Variants in CACNA2D3 observed in about 807,000 individuals in gnomAD.
CACNA2D3 encodes the protein calcium voltage-gated channel auxiliary subunit alpha2delta 3.
Under a neutral mutation model 160.6 loss-of-function variants are expected in CACNA2D3, and 60 were observed. The ratio of observed to expected loss-of-function variants is 0.37; its 90% CI spans 0.30 to 0.46. The LOEUF is 0.46. Among genes scored for constraint, CACNA2D3 ranks in the 20% least tolerant of loss-of-function variants. The probability of loss-of-function intolerance (pLI) is 1.00; values close to 1 mark genes in which losing one functional copy is unlikely to be tolerated. For synonymous variants in CACNA2D3, 558 were observed against 492.9 expected, an observed-to-expected ratio of 1.13 and a Z score of -1.75; for missense variants, 1,205 against 1,365.0, an observed-to-expected ratio of 0.88 and a Z score of 1.85.
At chr3:54,876,822 A>G (rs1490009313) in intron 18 of CACNA2D3, among the ~76,000 whole-genome samples, 1 of 152,240 alleles carries the variant, frequency 6.6e-6, no homozygotes. Context: ...ATCTCTCAGT[A>G]GTATCCGAAT....
intron 4 of CACNA2D3, among the ~76,000 whole-genome samples, chr3:54,392,728 C>T (rs184395719): frequency 6.6e-4 from 100 of 152,192 alleles, no homozygotes; most frequent in Admixed American, 3.9e-3. Context: ...AGATGACTTC[C>T]GATACTTCCT....
At chr3:54,779,457 T>C (rs945985126) in intron 13 of CACNA2D3, among the ~76,000 whole-genome samples, 2 of 152,236 alleles carry the variant, frequency 1.3e-5, no homozygotes, top group Non-Finnish European at 2.9e-5. Context: ...GGCTGTCAAG[T>C]AATGGGCATT....
At chr3:54,808,860 T>C (rs1271517617) in intron 13 of CACNA2D3, among the ~76,000 whole-genome samples, 9 of 152,070 alleles carry the variant, frequency 5.9e-5, no homozygotes, top group African/African-American at 2.2e-4. Flanking sequence ...CTGTGGACCA[T>C]GAGGTTGGTG....
chr3:54,793,990 TATTG>T (rs1335429442), intron 13 of CACNA2D3, among the ~76,000 whole-genome samples: 2 of 152,162 alleles, frequency 1.3e-5, no homozygotes, highest in Non-Finnish European at 2.9e-5. Context: ...TCATCTAAGT[TATTG>T]ATTTATTGGC....
chr3:54,600,862 T>A (rs141626775), intron 9 of CACNA2D3, among the ~76,000 whole-genome samples: 79 of 152,046 alleles, frequency 5.2e-4, no homozygotes, highest in African/African-American at 1.8e-3. Context: ...GAGCCATCCC[T>A]GTCATGACAC....
intron 12 of CACNA2D3, 72 bp from the exon 13 acceptor site, chr3:54,764,146 G>A (rs992579588): frequency 6.6e-7 from 1 of 1,522,594 alleles, no homozygotes; most frequent in Non-Finnish European, 9.1e-7. Flanking sequence ...AAGAAGGCAT[G>A]GCATATGCAT....
chr3:54,541,082 C>T (rs1462232251), intron 5 of CACNA2D3, among the ~76,000 whole-genome samples: 1 of 151,806 alleles, frequency 6.6e-6, no homozygotes, highest in Non-Finnish European at 1.5e-5. Flanking sequence ...TTGAGACCAT[C>T]CTGGCTAACA....
At chr3:54,644,338 T>G (rs920213431) in intron 11 of CACNA2D3, among the ~76,000 whole-genome samples, 2 of 152,158 alleles carry the variant, frequency 1.3e-5, no homozygotes, top group Admixed American at 6.5e-5. Context: ...CAAAAGGGTC[T>G]TCTTTTATGA....
chr3:54,253,090 C>A (rs371223571), intron 2 of CACNA2D3, among the ~76,000 whole-genome samples: 5 of 148,054 alleles, frequency 3.4e-5, no homozygotes, highest in Admixed American at 7.0e-5. Context: ...TCAAAACTGC[C>A]CTGAGTTTAA....
rs184009643 is a variant in CACNA2D3, at chr3:54,487,683, C to T, written c.382-15809C>T. ...CAGAAAGCTTAGGAACAATTTTAAA[C>T]GCTTTAGATATTGAATGCAATAAAG... On this transcript the variant is annotated intron_variant, in intron 4 of 37. Transcript: ENST00000474759. Among the ~76,000 whole-genome samples, 408 of 152,208 alleles carry T rather than the reference C, an allele frequency of 2.7e-3. 3 individuals are homozygous for T. The highest frequency in any genetic ancestry group is 8.7e-3 in the African/African-American group (361 of 41,526).
chr3:54,593,080 GAACA>G (rs1254118097), intron 9 of CACNA2D3, among the ~76,000 whole-genome samples: 2 of 152,112 alleles, frequency 1.3e-5, no homozygotes, highest in African/African-American at 4.8e-5. Flanking sequence ...TTTGCAGAGA[GAACA>G]AATACCCACT....
Position 54,880,863 on chromosome 3 carries a change from G to T in CACNA2D3, c.1912G>T (p.Gly638Cys). ...CCGAGGGAATGTAACCATCGAAGAA[G>T]GTAAGATACTGCCTGGCTCGTCTTA... ...FFRGNVTIEE[G>C]LHDLEHPDVS... Residue 638 changes from glycine (G) to cysteine (C), a missense_variant and splice_region_variant, in exon 21 of 38, where the codon GGC (glycine) becomes TGC (cysteine). Transcript: ENST00000474759. 6.2e-7 allele frequency: 1 copy of T among 1,613,304 alleles called. No homozygotes were observed. Among genetic ancestry groups the T allele is most frequent in the Non-Finnish European group, 8.5e-7 (1 of 1,179,290 alleles).
intron 2 of CACNA2D3, among the ~76,000 whole-genome samples, chr3:54,154,175 A>T (rs1018191906): frequency 2.0e-5 from 3 of 152,192 alleles, no homozygotes; most frequent in African/African-American, 7.2e-5. Context: ...CTTTCATTCA[A>T]ACTCAAACAC....
intron 14 of CACNA2D3, among the ~76,000 whole-genome samples, chr3:54,821,618 C>G (rs908016763): frequency 6.6e-5 from 10 of 151,746 alleles, no homozygotes; most frequent in African/African-American, 2.4e-4. Flanking sequence ...TAAATGGAAG[C>G]CTTCGTTTTT....
chr3:54,608,507 A>C (rs183961453), intron 9 of CACNA2D3, among the ~76,000 whole-genome samples: 120 of 152,302 alleles, frequency 7.9e-4, no homozygotes, highest in Non-Finnish European at 1.2e-3. Context: ...CACAATAAAG[A>C]GTAGTATGGC....
chr3:54,918,759 C>T, intron 27 of CACNA2D3: 1 of 1,614,166 alleles, frequency 6.2e-7, no homozygotes, highest in Non-Finnish European at 8.5e-7. Context: ...CAGAGCCGGG[C>T]CACTGAGCCT....
intron 5 of CACNA2D3, among the ~76,000 whole-genome samples, chr3:54,536,328 A>G (rs1701888443): frequency 6.6e-6 from 1 of 152,114 alleles, no homozygotes; most frequent in African/African-American, 2.4e-5. Flanking sequence ...CTCTTCCTGC[A>G]CTTTTTGGAT....
intron 5 of CACNA2D3, among the ~76,000 whole-genome samples, chr3:54,518,059 A>G (rs1701582568): frequency 6.6e-6 from 1 of 152,134 alleles, no homozygotes; most frequent in African/African-American, 2.4e-5. Flanking sequence ...AGTATCGTGA[A>G]TGGAATATTT....
intron 25 of CACNA2D3, among the ~76,000 whole-genome samples, chr3:54,892,250 T>C (rs953760066): frequency 6.6e-6 from 1 of 152,172 alleles, no homozygotes; most frequent in African/African-American, 2.4e-5. Context: ...CAAGTGTGTG[T>C]GTGTGAGTTC....
Sources: allele counts gnomAD v4.1 joint callset (sites outside exome capture counted in the v4.1 genomes callset), GRCh38; gene constraint gnomAD v4.1.1; transcripts MANE v1.5; gene names NCBI Gene and HGNC (gene_info 2026-07-23, HGNC 2026-07-21).